The following SEMA3E variants were observed in gnomAD, a reference collection of about 807,000 sequenced individuals.
SEMA3E encodes the protein semaphorin-3E.
SEMA3E carries 49 observed loss-of-function variants against 93.6 expected under a neutral mutation model. The observed-to-expected ratio is 0.52, with a 90% confidence interval of 0.42 to 0.66. The LOEUF (loss-of-function observed/expected upper bound fraction) is 0.66. Ranked by LOEUF, SEMA3E falls within the 30% of genes least tolerant of loss-of-function variation. The pLI is 0.00. For missense variants in SEMA3E, 906 were observed against 964.8 expected, an observed-to-expected ratio of 0.94 and a Z score of 0.81; for synonymous variants, 363 against 330.7, an observed-to-expected ratio of 1.10 and a Z score of -1.06.
intron 4 of SEMA3E, among the ~76,000 whole-genome samples, chr7:83,419,889 T>G (rs761869018): frequency 3.7e-4 from 57 of 152,108 alleles, no homozygotes; most frequent in Middle Eastern, 3.4e-3. Context: ...CTGGAAGCAT[T>G]CCCCTTAAGA....
intron 1 of SEMA3E, among the ~76,000 whole-genome samples, chr7:83,573,790 CTTA>C (rs541348396): frequency 3.6e-4 from 54 of 151,800 alleles, no homozygotes; most frequent in Non-Finnish European, 6.0e-4. Flanking sequence ...AAAATAACTG[CTTA>C]TTATATATCA....
intron 1 of SEMA3E, among the ~76,000 whole-genome samples, chr7:83,528,366 G>A (rs1250166775): frequency 6.6e-6 from 1 of 151,970 alleles, no homozygotes; most frequent in Non-Finnish European, 1.5e-5. Context: ...ATATTATCAG[G>A]GATTGAATAG....
intron 1 of SEMA3E, among the ~76,000 whole-genome samples, chr7:83,591,123 CAA>C (rs1792749478): frequency 1.2e-5 from 1 of 86,578 alleles, no homozygotes; most frequent in Non-Finnish European, 2.3e-5. Context: ...AAAAAAAAAA[CAA>C]GAGGAATTCT....
At chr7:83,567,820 A>T (rs550239239) in intron 1 of SEMA3E, among the ~76,000 whole-genome samples, 61 of 152,152 alleles carry the variant, frequency 4.0e-4, no homozygotes, top group Middle Eastern at 3.4e-3. Context: ...ATTTTGAATA[A>T]ACAATCTAAC....
intron 4 of SEMA3E, among the ~76,000 whole-genome samples, chr7:83,429,176 ATGT>A (rs1788833539): frequency 6.6e-6 from 1 of 152,204 alleles, no homozygotes; most frequent in Admixed American, 6.5e-5. Context: ...TAGCTGGCAG[ATGT>A]TATTAGCATT....
At chr7:83,418,810 G>T (rs929085170) in intron 4 of SEMA3E, among the ~76,000 whole-genome samples, 1 of 152,070 alleles carries the variant, frequency 6.6e-6, no homozygotes, top group Non-Finnish European at 1.5e-5. Context: ...GCTGGAAAAA[G>T]GTTAATGAAA....
intron 3 of SEMA3E, among the ~76,000 whole-genome samples, chr7:83,467,832 A>G (rs1415109449): frequency 6.6e-6 from 1 of 152,242 alleles, no homozygotes; most frequent in Non-Finnish European, 1.5e-5. Flanking sequence ...CCTAATACAT[A>G]ACATGCTTAA....
intron 4 of SEMA3E, among the ~76,000 whole-genome samples, chr7:83,434,905 G>A (rs1253463097): frequency 6.6e-6 from 1 of 151,138 alleles, no homozygotes; most frequent in Non-Finnish European, 1.5e-5. Context: ...AGTAGAGACG[G>A]GGTTTCACCG....
At chr7:83,394,421 C>T (rs1380843461) in intron 12 of SEMA3E, 83 bp from the exon 13 acceptor site, 1 of 1,117,048 alleles carries the variant, frequency 9.0e-7, no homozygotes, top group Non-Finnish European at 1.3e-6. Context: ...CCTGAAATTA[C>T]ATTACTTATA....
Position 83,366,482 on chromosome 7 carries a change from C to G in SEMA3E, c.*1104G>C, listed in dbSNP as rs1484103988. The G allele has an allele frequency of 6.6e-6, 1 of 151,836 alleles. No homozygotes were observed. Among genetic ancestry groups the G allele is most frequent in the East Asian group, 1.9e-4 (1 of 5,180 alleles). The allele number at this position is 151,836 out of a possible 1,614,324, so 9.4% of individuals were successfully genotyped here. A position where few individuals can be genotyped will look rare whatever the true frequency, so the allele number is the denominator to read the frequency against. On this transcript the variant is annotated 3_prime_UTR_variant, in exon 17 of 17. Coordinates refer to ENST00000643230, the MANE Select transcript of SEMA3E (RefSeq NM_012431.3). Reference sequence around the variant, plus strand: ...GAAAATTTGATATTTGAGAGCAAATCACTTTAATATTTTTTTCACAAATAA... The same window carrying G: ...GAAAATTTGATATTTGAGAGCAAATGACTTTAATATTTTTTTCACAAATAA...
chr7:83,432,430 A>G (rs1377871245), intron 4 of SEMA3E, among the ~76,000 whole-genome samples: 1 of 152,218 alleles, frequency 6.6e-6, no homozygotes, highest in Non-Finnish European at 1.5e-5. Flanking sequence ...TGGGAGTGAA[A>G]GAATGTTAAC....
At chr7:83,625,010 G>C (rs1041229528) in intron 1 of SEMA3E, among the ~76,000 whole-genome samples, 1 of 152,052 alleles carries the variant, frequency 6.6e-6, no homozygotes, top group African/African-American at 2.4e-5. Flanking sequence ...GTTTTTGTCA[G>C]GTTTGTCAAA....
chr7:83,628,674 G>C (rs1190550533), intron 1 of SEMA3E, among the ~76,000 whole-genome samples: 1 of 151,810 alleles, frequency 6.6e-6, no homozygotes, highest in Non-Finnish European at 1.5e-5. Context: ...ATTCTAGTTA[G>C]TAGTTCCTGT....
chr7:83,505,288 T>G (rs2115619614), intron 1 of SEMA3E, among the ~76,000 whole-genome samples: 1 of 151,852 alleles, frequency 6.6e-6, no homozygotes. Flanking sequence ...TCAAAACAAA[T>G]AAATGAATAA....
chr7:83,381,890 A>G (rs1200787429), intron 16 of SEMA3E, among the ~76,000 whole-genome samples: 3 of 151,972 alleles, frequency 2.0e-5, no homozygotes, highest in African/African-American at 7.2e-5. Flanking sequence ...TTGTGTAACA[A>G]TGGTTCCTGG....
At chr7:83,370,305 C>T (rs1049813736) in intron 16 of SEMA3E, among the ~76,000 whole-genome samples, 2 of 151,968 alleles carry the variant, frequency 1.3e-5, no homozygotes, top group African/African-American at 4.8e-5. Context: ...ACTCAAACTG[C>T]CCTCCATTTA....
chr7:83,523,159 G>A (rs966440081), intron 1 of SEMA3E, among the ~76,000 whole-genome samples: 3 of 152,064 alleles, frequency 2.0e-5, no homozygotes, highest in Non-Finnish European at 4.4e-5. Context: ...TTCAGTGCAG[G>A]CACACACTAT....
intron 1 of SEMA3E, among the ~76,000 whole-genome samples, chr7:83,492,421 C>T (rs1790405590): frequency 6.6e-6 from 1 of 151,914 alleles, no homozygotes; most frequent in Non-Finnish European, 1.5e-5. Flanking sequence ...TACCAATTTG[C>T]CTACTTTCTA....
At chr7:83,390,813 T>C (rs1481765264) in intron 14 of SEMA3E, among the ~76,000 whole-genome samples, 1 of 152,190 alleles carries the variant, frequency 6.6e-6, no homozygotes, top group Admixed American at 6.5e-5. Context: ...ATTTTTCTCA[T>C]TCACTTGACT....
Sources: allele counts gnomAD v4.1 joint callset (sites outside exome capture counted in the v4.1 genomes callset), GRCh38; gene constraint gnomAD v4.1.1; transcripts MANE v1.5; gene names NCBI Gene and HGNC (gene_info 2026-07-23, HGNC 2026-07-21).